The following PPP1R12A variants were observed in gnomAD, a reference collection of about 807,000 sequenced individuals.
PPP1R12A encodes the protein protein phosphatase 1 regulatory subunit 12A.
A neutral mutation model predicts 139.6 loss-of-function variants in PPP1R12A; 19 were observed. That is an observed-to-expected ratio of 0.14 (90% CI 0.09 to 0.20). The LOEUF (loss-of-function observed/expected upper bound fraction) is 0.20, where lower values mean the gene tolerates loss of function less well. PPP1R12A is among the 10% of genes least tolerant of loss of function. The pLI is 1.00. For synonymous variants in PPP1R12A, 427 were observed against 420.6 expected, an observed-to-expected ratio of 1.02 and a Z score of -0.19; for missense variants, 925 against 1,211.5, an observed-to-expected ratio of 0.76 and a Z score of 3.51.
chr12:79,874,124 A>C (rs924391939), intron 1 of PPP1R12A, among the ~76,000 whole-genome samples: 1 of 151,950 alleles, frequency 6.6e-6, no homozygotes, highest in African/African-American at 2.4e-5. Context: ...AAAAGTACAA[A>C]AATTAGCCAG....
At chr12:79,829,060 AAGC>A (rs1877113430) in intron 4 of PPP1R12A, among the ~76,000 whole-genome samples, 1 of 152,056 alleles carries the variant, frequency 6.6e-6, no homozygotes, top group Non-Finnish European at 1.5e-5. Flanking sequence ...GAGCAGTAGA[AAGC>A]AGATACTCCA....
chr12:79,825,583 C>CA (rs1294661051), intron 5 of PPP1R12A: 3 of 151,716 alleles, frequency 2.0e-5, no homozygotes, highest in African/African-American at 7.2e-5. Context: ...TAGAAAGTTT[C>CA]AGATTTTCTA....
In PPP1R12A at chr12:79,820,806, T is replaced by C; in HGVS notation, c.1082A>G (p.Glu361Gly). 6.2e-7 allele frequency: 1 copy of C among 1,613,342 alleles called. No homozygotes were observed. The highest frequency in any genetic ancestry group is 1.1e-5 in the South Asian group (1 of 91,010). Reference sequence around the variant, plus strand: ...AGCTTCTGATTCCGAGTCATCTTCCTCATCTTCTTCACTAGAGCAGCTAGA... The same window carrying C: ...AGCTTCTGATTCCGAGTCATCTTCCCCATCTTCTTCACTAGAGCAGCTAGA... ...DESSCSSEED[E>G]EDDSESEAET... is the part of the protein sequence containing the mutation. The change falls in exon 8 of 25, where the codon GAG becomes GGG. Residue 361 changes from glutamate to glycine, a missense_variant. By Grantham distance (98) the Glu-to-Gly change is moderately conservative. This residue lies in a region of PPP1R12A where 403 missense variants were observed against 463.7 expected (regional missense o/e 0.87). Coordinates refer to ENST00000450142, the MANE Select transcript of PPP1R12A (RefSeq NM_002480.3).
At chr12:79,843,269 G>C (rs776964145) in intron 3 of PPP1R12A, among the ~76,000 whole-genome samples, 2 of 151,986 alleles carry the variant, frequency 1.3e-5, no homozygotes, top group Non-Finnish European at 2.9e-5. Context: ...TCAAAGAGTT[G>C]AGTTGTTTTA....
intron 1 of PPP1R12A, among the ~76,000 whole-genome samples, chr12:79,922,843 A>G (rs1887545069): frequency 6.6e-6 from 1 of 152,194 alleles, no homozygotes; most frequent in Admixed American, 6.5e-5. Context: ...CCAGAACTTA[A>G]AAGTAAAAAA....
intron 9 of PPP1R12A, among the ~76,000 whole-genome samples, chr12:79,810,573 G>T (rs1051927617): frequency 1.3e-5 from 2 of 151,934 alleles, no homozygotes; most frequent in Non-Finnish European, 2.9e-5. Flanking sequence ...AAACAGAAAA[G>T]GGAAGTTATG....
intron 4 of PPP1R12A, among the ~76,000 whole-genome samples, chr12:79,828,860 C>T (rs1012585310): frequency 6.6e-6 from 1 of 152,054 alleles, no homozygotes; most frequent in African/African-American, 2.4e-5. Flanking sequence ...CTATCATCTT[C>T]AGGTTTCCAT....
intron 3 of PPP1R12A, among the ~76,000 whole-genome samples, chr12:79,844,437 A>C (rs752985305): frequency 2.6e-5 from 4 of 152,152 alleles, no homozygotes; most frequent in Admixed American, 1.3e-4. Context: ...TCTTTTTTTC[A>C]CACCTTCTAG....
chr12:79,900,597 T>G (rs534025509), intron 1 of PPP1R12A, among the ~76,000 whole-genome samples: 49 of 152,338 alleles, frequency 3.2e-4, no homozygotes, highest in African/African-American at 1.2e-3. Flanking sequence ...CTTTCAGATA[T>G]ATATTTCAGT....
chr12:79,885,316 G>A (rs1030356129), intron 1 of PPP1R12A, among the ~76,000 whole-genome samples: 8 of 151,960 alleles, frequency 5.3e-5, no homozygotes, highest in African/African-American at 9.7e-5. Flanking sequence ...TATATACAGC[G>A]CATAAAGTAG....
rs976820861 is a variant in PPP1R12A at position 79,934,685 on chromosome 12, G to C, written c.237+10C>G. Reference sequence around the variant, plus strand: ...CACGGTCAGGAGAGCCGGCGGCGGGGCGCACAGACCTGGTGCAGGGCAGTG... The same window carrying C: ...CACGGTCAGGAGAGCCGGCGGCGGGCCGCACAGACCTGGTGCAGGGCAGTG... On this transcript the variant is annotated intron_variant, in intron 1 of 24. Transcript: ENST00000450142. 3 of 1,513,112 alleles carry C rather than the reference G, an allele frequency of 2.0e-6. No homozygotes were observed. The African/African-American group carries it at 4.2e-5, about 21-fold the overall frequency. The allele number at this position is 1,513,112 out of a possible 1,614,324, so 93.7% of individuals were successfully genotyped here. A position where few individuals can be genotyped will look rare whatever the true frequency, so the allele number is the denominator to read the frequency against.
rs139231268 is a variant in PPP1R12A at position 79,855,741 on chromosome 12, A to T, written c.369-10321T>A. Reference sequence around the variant, plus strand: ...AACCACACATTTACAGTTAAGTGAGATAAAGACTACAAATAGCCTCCCATC... The same window carrying T: ...AACCACACATTTACAGTTAAGTGAGTTAAAGACTACAAATAGCCTCCCATC... On this transcript the variant is annotated intron_variant, in intron 2 of 24. Coordinates refer to ENST00000450142, the MANE Select transcript of PPP1R12A (RefSeq NM_002480.3). Among the ~76,000 whole-genome samples the T allele has an allele frequency of 8.7e-3, 1,320 of 152,186 alleles. 21 individuals carry two copies. Among genetic ancestry groups the T allele is most frequent in the African/African-American group, 0.031 (1,269 of 41,532 alleles).
At chr12:79,791,755 C>T (rs958376933) in intron 19 of PPP1R12A, among the ~76,000 whole-genome samples, 2 of 152,036 alleles carry the variant, frequency 1.3e-5, no homozygotes, top group Non-Finnish European at 2.9e-5. Context: ...TGCAAAAGAT[C>T]GCTAGAACTT....
chr12:79,774,547 T>C lies in PPP1R12A; in HGVS notation c.*1382A>G, dbSNP rs1006171175. 3.3e-5 allele frequency: 5 copies of C among 152,466 alleles called. No individual in the cohort carries two copies. Among genetic ancestry groups the C allele is most frequent in the Admixed American group, 3.3e-4 (5 of 15,256 alleles). 9.4% of individuals were successfully genotyped at this position (152,466 alleles called of 1,614,324 possible). A position where few individuals can be genotyped will look rare whatever the true frequency, so the allele number is the denominator to read the frequency against. ...TATGTGCCAGAAAGATGTAGTATTT[T>C]TTGCATGGTTTAATGAAAATATAAA... On this transcript the variant is annotated 3_prime_UTR_variant, in exon 25 of 25. Transcript: ENST00000450142.
At chr12:79,827,741 C>A (rs1876965003) in intron 5 of PPP1R12A, among the ~76,000 whole-genome samples, 1 of 152,098 alleles carries the variant, frequency 6.6e-6, no homozygotes, top group African/African-American at 2.4e-5. Flanking sequence ...TTAAGTACAT[C>A]ATTTACCTCA....
intron 1 of PPP1R12A, among the ~76,000 whole-genome samples, chr12:79,921,347 A>G (rs1290451446): frequency 1.3e-5 from 2 of 152,218 alleles, no homozygotes; most frequent in Admixed American, 1.3e-4. Context: ...AACACAAAAA[A>G]GAATAATAGA....
At chr12:79,870,528 A>G (rs114041460) in intron 2 of PPP1R12A, among the ~76,000 whole-genome samples, 1 of 152,326 alleles carries the variant, frequency 6.6e-6, no homozygotes, top group African/African-American at 2.4e-5. Context: ...CATTATTTTA[A>G]AAAAGAATCT....
chr12:79,914,199 A>G (rs1363064543), intron 1 of PPP1R12A, among the ~76,000 whole-genome samples: 2 of 151,076 alleles, frequency 1.3e-5, no homozygotes, highest in African/African-American at 2.4e-5. Context: ...GGGTTCCTCA[A>G]TTTTTTTTTA....
In PPP1R12A at chr12:79,779,473, A is replaced by T. The variant is rs1335548679; in HGVS notation, c.2956-873T>A. 12 of 756,400 alleles carry T rather than the reference A, an allele frequency of 1.6e-5. No homozygotes were observed. In the Admixed American group the frequency reaches 2.8e-4, roughly 18 times the overall value. 46.9% of individuals were successfully genotyped at this position (756,400 alleles called of 1,614,324 possible). On this transcript the variant is annotated intron_variant, in intron 23 of 24. Transcript: ENST00000450142. ...AAGCAGTACATTTACTGTAAATGTT[A>T]ATGTTTTTAGGGTATGTGATTTTAA...
Sources: allele counts gnomAD v4.1 joint callset (sites outside exome capture counted in the v4.1 genomes callset), GRCh38; gene constraint gnomAD v4.1.1; regional missense constraint gnomAD v4.1.1; transcripts MANE v1.5; gene names NCBI Gene and HGNC (gene_info 2026-07-23, HGNC 2026-07-21).